INPP4B: variants seen among roughly 807,000 people sequenced by gnomAD.
INPP4B encodes the protein inositol polyphosphate-4-phosphatase type II B, also known as inositol polyphosphate 4-phosphatase type II.
In INPP4B, 55 loss-of-function variants were observed where a neutral mutation model predicts 122.5. The observed-to-expected ratio is 0.45, with a 90% confidence interval of 0.36 to 0.56. The LOEUF (loss-of-function observed/expected upper bound fraction) is 0.56, where lower values mean the gene tolerates loss of function less well. Ranked by LOEUF, INPP4B falls within the 20% of genes least tolerant of loss-of-function variation. The pLI, the probability that INPP4B is intolerant of heterozygous loss-of-function variation, is 0.00. For synonymous variants in INPP4B, 403 were observed against 388.7 expected, an observed-to-expected ratio of 1.04 and a Z score of -0.43; for missense variants, 1,000 against 1,097.7, an observed-to-expected ratio of 0.91 and a Z score of 1.26.
chr4:142,485,357 A>G (rs1027174101), intron 2 of INPP4B, among the ~76,000 whole-genome samples: 2 of 152,078 alleles, frequency 1.3e-5, no homozygotes, highest in African/African-American at 4.8e-5. Flanking sequence ...CTGAGCCACA[A>G]AAAGCAACAA....
intron 15 of INPP4B, among the ~76,000 whole-genome samples, chr4:142,181,434 T>C (rs1830699272): frequency 6.6e-6 from 1 of 152,208 alleles, no homozygotes; most frequent in Admixed American, 6.5e-5. Flanking sequence ...AATATAACTG[T>C]ATTTATCTGT....
intron 5 of INPP4B, chr4:142,426,372 A>T (rs896758776): frequency 2.0e-5 from 3 of 152,042 alleles, no homozygotes; most frequent in African/African-American, 7.2e-5. Flanking sequence ...AATTTTATTA[A>T]ACCATAAACA....
intron 2 of INPP4B, among the ~76,000 whole-genome samples, chr4:142,481,825 T>G (rs1820585484): frequency 6.6e-6 from 1 of 152,188 alleles, no homozygotes; most frequent in Admixed American, 6.6e-5. Context: ...TAACTAGCTA[T>G]TGAGAACTGG....
rs188798622 is a variant in INPP4B at position 142,102,244 on chromosome 4, G to T, written c.2374+5849C>A. Among the ~76,000 whole-genome samples the T allele has an allele frequency of 5.3e-5, 8 of 152,032 alleles. No homozygotes were observed. In the East Asian group the frequency reaches 1.5e-3, roughly 29 times the overall value. On this transcript the variant is annotated intron_variant, in intron 23 of 25. Transcript: ENST00000262992. ...TAAAAATATAAGTTCAAAGGACACA[G>T]AAAACCTTAATATAAATAAATTGTG...
intron 1 of INPP4B, among the ~76,000 whole-genome samples, chr4:142,769,434 A>G (rs777721938): frequency 6.6e-5 from 10 of 152,210 alleles, no homozygotes; most frequent in East Asian, 1.9e-4. Context: ...TTAGTAAACT[A>G]TAACTAAGCT....
At chr4:142,141,514 T>C (rs1317685635) in intron 18 of INPP4B, among the ~76,000 whole-genome samples, 1 of 152,062 alleles carries the variant, frequency 6.6e-6, no homozygotes, top group Admixed American at 6.6e-5. Context: ...CACATAAATA[T>C]ATATAAACTG....
chr4:142,208,495 C>G lies in INPP4B; in HGVS notation c.1002G>C (p.Glu334Asp), dbSNP rs768272420. Residue 334 changes from glutamate (E) to aspartate (D), a missense_variant, in exon 14 of 26, where the codon GAG becomes GAC. Glu to Asp is a conservative substitution (Grantham distance 45). Transcript: ENST00000262992. ...TTATTGGAACAAATTCTAATGTTTTCTCTCCTTTGCTGCTGCTTGATTTGA... is the reference window on the plus strand; with the variant it reads ...TTATTGGAACAAATTCTAATGTTTTGTCTCCTTTGCTGCTGCTTGATTTGA... Reference protein sequence around the residue: ...SSFKSSSSKGEKTLEFVPINL... With the variant: ...SSFKSSSSKGDKTLEFVPINL... 5.6e-6 allele frequency: 9 copies of G among 1,600,734 alleles called. No individual in the cohort carries two copies. Among genetic ancestry groups the G allele is most frequent in the African/African-American group, 5.4e-5 (4 of 74,376 alleles).
At chr4:142,265,632 A>C (rs1742370580) in intron 10 of INPP4B, among the ~76,000 whole-genome samples, 1 of 152,210 alleles carries the variant, frequency 6.6e-6, no homozygotes, top group Admixed American at 6.5e-5. Context: ...GATTGCTAAG[A>C]GAGTTTACAG....
At chr4:142,819,686 C>T (rs144382942) in intron 1 of INPP4B, among the ~76,000 whole-genome samples, 4 of 152,128 alleles carry the variant, frequency 2.6e-5, no homozygotes, top group East Asian at 3.9e-4. Flanking sequence ...AATTCAAATA[C>T]GTATGTGGTA....
rs372747235 is a variant in INPP4B, at chr4:142,386,769, G to A, written c.372+16169C>T. Among the ~76,000 whole-genome samples, 100 of 152,246 alleles carry A rather than the reference G, an allele frequency of 6.6e-4. 2 individuals carry two copies. The East Asian group carries it at 0.017, about 26-fold the overall frequency. ...TGTGATTCTGGGTGCTGCCCGAATCGTAAATCATTCCTTGCTCAATTAAAC... is the reference window on the plus strand; with the variant it reads ...TGTGATTCTGGGTGCTGCCCGAATCATAAATCATTCCTTGCTCAATTAAAC... On this transcript the variant is annotated intron_variant, in intron 7 of 25. Coordinates refer to ENST00000262992, the MANE Select transcript of INPP4B (RefSeq NM_001101669.3).
rs546635188 is a variant in INPP4B at position 142,556,043 on chromosome 4, T to C, written c.-190-93317A>G. Among the ~76,000 whole-genome samples, 7 of 152,158 alleles carry C rather than the reference T, an allele frequency of 4.6e-5. No homozygotes were observed. The East Asian group carries it at 1.4e-3, about 29-fold the overall frequency. On this transcript the variant is annotated intron_variant, in intron 2 of 25. Transcript: ENST00000262992. ...GGATACAGACACAAGATTGTAAAGA[T>C]GGGATAAATTTCAACCTTTTAATTG...
chr4:142,152,461 G>A (rs1814726631), intron 17 of INPP4B, among the ~76,000 whole-genome samples: 1 of 151,916 alleles, frequency 6.6e-6, no homozygotes, highest in South Asian at 2.1e-4. Context: ...CTTAGTCCTA[G>A]AGAGGAAATA....
chr4:142,657,152 A>G (rs778212812), intron 2 of INPP4B, among the ~76,000 whole-genome samples: 59 of 151,978 alleles, frequency 3.9e-4, no homozygotes, highest in Non-Finnish European at 5.3e-4. Context: ...CTGTAAAAAG[A>G]GCTCTAATTA....
chr4:142,054,777 G>C (rs1756710794), intron 25 of INPP4B, among the ~76,000 whole-genome samples: 1 of 152,046 alleles, frequency 6.6e-6, no homozygotes, highest in South Asian at 2.1e-4. Flanking sequence ...GCATTGTTGG[G>C]CATCGAGTAT....
At chr4:142,278,886 G>A (rs1749883236) in intron 9 of INPP4B, among the ~76,000 whole-genome samples, 1 of 151,880 alleles carries the variant, frequency 6.6e-6, no homozygotes, top group Non-Finnish European at 1.5e-5. Context: ...ACACCACAAA[G>A]GTCTTGGCTG....
At chr4:142,282,898 C>T (rs1907134) in intron 9 of INPP4B, among the ~76,000 whole-genome samples, 80,463 of 151,836 alleles carry the variant, frequency 0.53, 25,514 homozygotes, top group Non-Finnish European at 0.69. Flanking sequence ...TTCTGATTAC[C>T]ACAGCAATGG....
chr4:142,447,515 G>T (rs1167694165), intron 3 of INPP4B, among the ~76,000 whole-genome samples: 1 of 152,202 alleles, frequency 6.6e-6, no homozygotes, highest in East Asian at 1.9e-4. Context: ...AAGTAAATAA[G>T]TGGCTGAAAT....
At chr4:142,503,245 G>A (rs1823614897) in intron 2 of INPP4B, among the ~76,000 whole-genome samples, 1 of 152,150 alleles carries the variant, frequency 6.6e-6, no homozygotes, top group Non-Finnish European at 1.5e-5. Context: ...TTGTGAGTGG[G>A]CTGAAATAGT....
At chr4:142,033,982 T>A (rs911146963) in intron 25 of INPP4B, among the ~76,000 whole-genome samples, 12 of 152,104 alleles carry the variant, frequency 7.9e-5, no homozygotes, top group African/African-American at 2.9e-4. Flanking sequence ...TTCATTCTTA[T>A]TGAGTACTGA....
Sources: gnomAD v4.1 joint callset for allele counts (sites outside exome capture counted in the v4.1 genomes callset) on GRCh38, gnomAD v4.1.1 for gene constraint, MANE v1.5 for transcripts, NCBI Gene and HGNC (gene_info 2026-07-23, HGNC 2026-07-21) for gene names.